TNPO3: variants seen among roughly 807,000 people sequenced by gnomAD.
TNPO3 encodes transportin-3.
TNPO3 carries 65 observed loss-of-function variants against 122.8 expected under a neutral mutation model. The ratio of observed to expected loss-of-function variants is 0.53; its 90% CI spans 0.43 to 0.65. The LOEUF is 0.65. TNPO3 is among the 30% of genes least tolerant of loss of function. The pLI, the probability that TNPO3 is intolerant of heterozygous loss-of-function variation, is 0.00. For missense variants in TNPO3, 850 were observed against 1,136.7 expected, an observed-to-expected ratio of 0.75 and a Z score of 3.63; for synonymous variants, 372 against 411.2, an observed-to-expected ratio of 0.90 and a Z score of 1.15.
At chr7:129,052,567 G>A (rs556879670) in intron 1 of TNPO3, among the ~76,000 whole-genome samples, 20 of 152,328 alleles carry the variant, frequency 1.3e-4, no homozygotes, top group Non-Finnish European at 2.1e-4. Flanking sequence ...GGTTGTAATA[G>A]AGTATTGGAA....
At chr7:128,973,484 C>A (rs1286817949) in intron 18 of TNPO3, among the ~76,000 whole-genome samples, 2 of 151,636 alleles carry the variant, frequency 1.3e-5, no homozygotes, top group African/African-American at 4.8e-5. Context: ...GGCCTGTAAT[C>A]CCAGCACTTT....
intron 18 of TNPO3, among the ~76,000 whole-genome samples, chr7:128,973,349 T>C (rs1360714975): frequency 1.3e-5 from 2 of 152,108 alleles, no homozygotes; most frequent in Non-Finnish European, 2.9e-5. Flanking sequence ...GAGAATCTCT[T>C]CAGAAAAAGG....
In TNPO3 at chr7:129,039,997, G is replaced by A. The variant is rs190990184; in HGVS notation, c.120+14654C>T. Among the ~76,000 whole-genome samples the A allele has an allele frequency of 3.8e-4, 58 of 152,336 alleles. 1 individual carries two copies. Among genetic ancestry groups the A allele is most frequent in the Middle Eastern group, 3.4e-3 (1 of 294 alleles). On this transcript the variant is annotated intron_variant, in intron 1 of 22. Transcript: ENST00000265388. The stretch of plus-strand genomic sequence containing the variant: ...CAGCTGGGCATGGTGGCTCACGCCT[G>A]TAATCCCAACACTTTGGGAGACCGA...
chr7:129,012,777 A>G (rs1270641356), intron 4 of TNPO3, among the ~76,000 whole-genome samples: 5 of 152,308 alleles, frequency 3.3e-5, no homozygotes, highest in Admixed American at 6.5e-5. Context: ...TCTATAAAGA[A>G]CCAGATAAAC....
At chr7:129,056,185 T>C (rs910389172), upstream of TNPO3, 9 of 881,550 alleles carry the variant, frequency 1.0e-5, no homozygotes, top group African/African-American at 1.5e-4. Flanking sequence ...CGGCAGAAGC[T>C]AGCTCCCAAG....
Position 129,054,857 on chromosome 7 carries a change from C to T in TNPO3, c.-87G>A. The T allele has an allele frequency of 6.3e-7, 1 of 1,581,472 alleles. No homozygotes were observed. The highest frequency in any genetic ancestry group is 1.7e-5 in the Admixed American group (1 of 58,868). On this transcript the variant is annotated 5_prime_UTR_variant, in exon 1 of 23. Transcript: ENST00000265388. ...CTCCGCCTTCGCGCTTCCTCACTGTCTGGGCCACGGCCGCTCCCTGACTGG... is the reference window on the plus strand; with the variant it reads ...CTCCGCCTTCGCGCTTCCTCACTGTTTGGGCCACGGCCGCTCCCTGACTGG...
intron 20 of TNPO3, 110 bp from the exon 21 acceptor site, chr7:128,967,502 C>A: frequency 1.5e-6 from 1 of 669,234 alleles, no homozygotes; most frequent in Non-Finnish European, 2.6e-6. Context: ...CATTTACTTC[C>A]CTACACTTGG....
chr7:128,993,712 A>G, intron 9 of TNPO3, 95 bp downstream of exon 9: 1 of 1,094,656 alleles, frequency 9.1e-7, no homozygotes, highest in Non-Finnish European at 1.3e-6. Flanking sequence ...AGCCACTAAA[A>G]TTGAAGAAAT....
At chr7:129,053,639 A>G (rs957098828) in intron 1 of TNPO3, among the ~76,000 whole-genome samples, 1 of 152,156 alleles carries the variant, frequency 6.6e-6, no homozygotes, top group Non-Finnish European at 1.5e-5. Flanking sequence ...ATCAGTTATG[A>G]GTTAAAATAA....
chr7:128,975,040 C>T, intron 17 of TNPO3, 78 bp from the exon 18 acceptor site: 1 of 1,072,476 alleles, frequency 9.3e-7, no homozygotes, highest in Non-Finnish European at 1.4e-6. Context: ...ATATTTATTA[C>T]AATAAGTACA....
chr7:128,983,603 G>A (rs182711757), intron 13 of TNPO3, among the ~76,000 whole-genome samples: 9 of 152,282 alleles, frequency 5.9e-5, no homozygotes, highest in Admixed American at 5.9e-4. Context: ...AACTGTCAGA[G>A]TTATGGCTGA....
At chr7:129,049,843 C>A (rs1006047270) in intron 1 of TNPO3, among the ~76,000 whole-genome samples, 3 of 152,020 alleles carry the variant, frequency 2.0e-5, no homozygotes, top group African/African-American at 7.3e-5. Flanking sequence ...AGGCAAGGGA[C>A]AAACTATTCA....
Position 129,015,144 on chromosome 7 carries a change from G to C in TNPO3, c.396-9C>G. 1 of 1,600,324 alleles carries C rather than the reference G, an allele frequency of 6.2e-7. No homozygotes were observed. The highest frequency in any genetic ancestry group is 8.5e-7 in the Non-Finnish European group (1 of 1,176,658). ...TCACATCATTGCTGTATCTGCAAAA[G>C]AAAAAAGTGGAGATATGTTATTTAT... is the stretch of plus-strand genomic sequence containing the variant. On this transcript the variant is annotated splice_polypyrimidine_tract_variant and intron_variant, in intron 3 of 22. Coordinates refer to ENST00000265388, the MANE Select transcript of TNPO3 (RefSeq NM_012470.4).
At chr7:129,002,681 G>T (rs905996287) in intron 5 of TNPO3, among the ~76,000 whole-genome samples, 2 of 152,134 alleles carry the variant, frequency 1.3e-5, no homozygotes, top group African/African-American at 4.8e-5. Flanking sequence ...CACTTTGGGA[G>T]GCCAAGGTGG....
chr7:128,968,123 GA>G (rs1458135054), intron 20 of TNPO3, among the ~76,000 whole-genome samples: 1 of 152,118 alleles, frequency 6.6e-6, no homozygotes, highest in Non-Finnish European at 1.5e-5. Context: ...TCAGATACCT[GA>G]AAGAGCAGGG....
At chr7:129,004,288 A>G (rs758554325) in intron 5 of TNPO3, among the ~76,000 whole-genome samples, 53 of 152,216 alleles carry the variant, frequency 3.5e-4, no homozygotes, top group Non-Finnish European at 6.2e-4. Context: ...ATATATCTTC[A>G]TTGAAGGAAA....
At chr7:129,044,968 T>C (rs1807845062) in intron 1 of TNPO3, among the ~76,000 whole-genome samples, 1 of 152,172 alleles carries the variant, frequency 6.6e-6, no homozygotes, top group African/African-American at 2.4e-5. Flanking sequence ...GATGGATAAA[T>C]GGATAAGCCA....
intron 1 of TNPO3, among the ~76,000 whole-genome samples, chr7:129,050,829 T>A (rs991336064): frequency 5.3e-5 from 8 of 152,152 alleles, no homozygotes; most frequent in African/African-American, 1.7e-4. Context: ...AGAGAAAGGA[T>A]GAAGGTTCCC....
chr7:128,972,327 A>G (rs1585326086), intron 19 of TNPO3, 99 bp downstream of exon 19: 1 of 1,333,636 alleles, frequency 7.5e-7, no homozygotes, highest in East Asian at 2.3e-5. Flanking sequence ...AATATAGATC[A>G]AGTAAGGAAA....
Sources: allele counts gnomAD v4.1 joint callset (sites outside exome capture counted in the v4.1 genomes callset), GRCh38; gene constraint gnomAD v4.1.1; transcripts MANE v1.5; gene names NCBI Gene and HGNC (gene_info 2026-07-23, HGNC 2026-07-21).